TTN: variants seen among roughly 807,000 people sequenced by gnomAD.
TTN encodes the protein titin.
Under a neutral mutation model 3,223.0 loss-of-function variants are expected in TTN, and 1,525 were observed. That is an observed-to-expected ratio of 0.47 (90% CI 0.45 to 0.49). The LOEUF (loss-of-function observed/expected upper bound fraction) is 0.49, where lower values mean the gene tolerates loss of function less well. Ranked by LOEUF, TTN falls within the 20% of genes least tolerant of loss-of-function variation. The pLI, the probability that TTN is intolerant of heterozygous loss-of-function variation, is 0.00. For synonymous variants in TTN, 14,094 were observed against 15,161.0 expected (o/e 0.93, Z 5.17); for missense variants, 40,786 against 43,424.0 (o/e 0.94, Z 5.40).
rs1248080950 is a variant in TTN at position 178,526,839 on chromosome 2, T to A, written c.*173A>T. 1 of 589,556 alleles carries A rather than the reference T, an allele frequency of 1.7e-6. No homozygotes were observed. The highest frequency in any genetic ancestry group is 2.9e-6 in the Non-Finnish European group (1 of 349,366). 36.5% of individuals were successfully genotyped at this position (589,556 alleles called of 1,614,324 possible). A position where few individuals can be genotyped will look rare whatever the true frequency, so the allele number is the denominator to read the frequency against. On this transcript the variant is annotated 3_prime_UTR_variant, in exon 363 of 363. Coordinates refer to ENST00000589042, the MANE Select transcript of TTN (RefSeq NM_001267550.2). Reference sequence around the variant, plus strand: ...TGTCACTAGCAAATGTATTATATTCTTAGGTCAACAATTATGAAAAGATTG... The same window carrying A: ...TGTCACTAGCAAATGTATTATATTCATAGGTCAACAATTATGAAAAGATTG...
Position 178,671,119 on chromosome 2 carries a change from A to G in TTN, c.35279T>C (p.Val11760Ala), listed in dbSNP as rs748450390. The G allele has an allele frequency of 4.4e-6, 7 of 1,605,304 alleles. No individual in the cohort carries two copies. The East Asian group carries it at 1.4e-4, about 31-fold the overall frequency. The change falls in exon 156 of 363, where the codon GTT becomes GCT. Residue 11760 changes from valine to alanine, a missense_variant. Coordinates refer to ENST00000589042, the MANE Select transcript of TTN (RefSeq NM_001267550.2). ...AGCTGGTGGCTCTTTTCGAGGAACA[A>G]CTTTAGTGGGCGGTTTTTTTGGAGG... ...IIPPKKPPTK[V>A]VPRKEPPAKV... is the part of the protein sequence containing the mutation.
At position 178,559,898 on chromosome 2, in the gene TTN, G is replaced by C. The variant is rs377367951; in HGVS notation, c.86234C>G (p.Ala28745Gly). The C allele has an allele frequency of 4.2e-5, 67 of 1,613,256 alleles. No individual in the cohort carries two copies. Among genetic ancestry groups the C allele is most frequent in the Non-Finnish European group, 4.5e-5 (53 of 1,179,738 alleles). ...DPSDSSDPQI[A>G]KEREEEPLFD... ...TAAAGGTTCTTCTTCTCTTTCCTTT[G>C]CTATCTGAGGGTCAGAGCTATCACT... The change falls in exon 326 of 363, where the codon GCA becomes GGA. Residue 28745 changes from alanine (A) to glycine (G), a missense_variant. By Grantham distance (60) the Ala-to-Gly change is moderately conservative (BLOSUM62 0). Coordinates refer to ENST00000589042, the MANE Select transcript of TTN (RefSeq NM_001267550.2).
chr2:178,550,937 T>G lies in TTN; in HGVS notation c.91564+30A>C, dbSNP rs761165138. The G allele has an allele frequency of 1.9e-6, 3 of 1,601,960 alleles. No homozygotes were observed. The Admixed American group carries it at 5.1e-5, about 27-fold the overall frequency. On this transcript the variant is annotated intron_variant, in intron 336 of 362. Transcript: ENST00000589042. ...TTTTTAAAAATGTGAATGCTCTTAG[T>G]CTCATTGGAAATAAGTTGTAAATGC...
chr2:178,604,002 C>T lies in TTN; in HGVS notation c.54685G>A (p.Val18229Met), dbSNP rs116142642. 112 of 1,612,888 alleles carry T rather than the reference C, an allele frequency of 6.9e-5. 1 individual carries two copies. The highest frequency in any genetic ancestry group is 5.8e-4 in the East Asian group (26 of 44,794). Residue 18229 changes from valine (V) to methionine (M), a missense_variant, in exon 282 of 363, where the codon GTG becomes ATG. By Grantham distance (21) the Val-to-Met change is conservative. Transcript: ENST00000589042. ...APITKVGLKG[V>M]EFNVPRLLEG... is the part of the protein sequence containing the mutation. ...AGCAAACGAGGAACATTAAATTCCACGCCTTTCAATCCCACTTTGGTTATT... is the reference window on the plus strand; with the variant it reads ...AGCAAACGAGGAACATTAAATTCCATGCCTTTCAATCCCACTTTGGTTATT...
chr2:178,705,200 T>C lies in TTN; in HGVS notation c.29578A>G (p.Ser9860Gly). The C allele has an allele frequency of 3.1e-6, 5 of 1,613,518 alleles. No individual in the cohort carries two copies. Among genetic ancestry groups the C allele is most frequent in the South Asian group, 1.1e-5 (1 of 90,944 alleles). ...LLQAFELLKQ[S>G]QEEETHRLEI... ...AGTCTATGTGTCTCTTCTTCTTGGC[T>C]TTGCTTGAGCAGTTCAAATGCTTGA... The change falls in exon 103 of 363, where the codon AGC (serine) becomes GGC (glycine). Residue 9860 changes from serine (S) to glycine (G), a missense_variant. Coordinates refer to ENST00000589042, the MANE Select transcript of TTN (RefSeq NM_001267550.2).
chr2:178,528,972 G>T lies in TTN; in HGVS notation c.106779C>A (p.Ile35593=), dbSNP rs1687787053. ...SLEKSIVHEE[I]TKTSQASEEV... Reference sequence around the variant, plus strand: ...CTTCTGATGCCTGTGATGTTTTAGTGATTTCCTCATGGACAATGGATTTTT... The same window carrying T: ...CTTCTGATGCCTGTGATGTTTTAGTTATTTCCTCATGGACAATGGATTTTT... Residue 35593 remains isoleucine (I), a synonymous_variant, in exon 360 of 363, where the codon ATC becomes ATA. Transcript: ENST00000589042. The T allele has an allele frequency of 1.2e-6, 2 of 1,613,960 alleles. No homozygotes were observed. The highest frequency in any genetic ancestry group is 2.2e-5 in the East Asian group (1 of 44,880).
At position 178,635,271 on chromosome 2, in the gene TTN, T is replaced by C; in HGVS notation, c.41918A>G (p.Asp13973Gly). 6.2e-7 allele frequency: 1 copy of C among 1,613,356 alleles called. No individual in the cohort carries two copies. Among genetic ancestry groups the C allele is most frequent in the Non-Finnish European group, 8.5e-7 (1 of 1,179,540 alleles). ...ACTTTCTTTCTCATAAATGGTAACG[T>C]CCTCTATTGGTTTAAGCAGTTCAAC... is the stretch of plus-strand genomic sequence containing the variant. ...REVELLKPIE[D>G]VTIYEKESAS... The change falls in exon 228 of 363, where the codon GAC becomes GGC. Residue 13973 changes from aspartate to glycine, a missense_variant. Coordinates refer to ENST00000589042, the MANE Select transcript of TTN (RefSeq NM_001267550.2).
intron 106 of TTN, 128 bp downstream of exon 106, chr2:178,704,019 C>T (rs937897303): frequency 5.0e-6 from 6 of 1,192,308 alleles, no homozygotes; most frequent in South Asian, 1.7e-5. Flanking sequence ...ACTATGAGAA[C>T]GTGTGTTGGG....
Position 178,548,588 on chromosome 2 carries a change from A to G in TTN, c.93038T>C (p.Val31013Ala), listed in dbSNP as rs775726229. The G allele has an allele frequency of 6.2e-7, 1 of 1,613,682 alleles. No individual in the cohort carries two copies. Among genetic ancestry groups the G allele is most frequent in the Non-Finnish European group, 8.5e-7 (1 of 1,179,788 alleles). ...GCCAGGTGGGCCTGGAGTGTCTAGC[A>G]CTTTCACGGTGAATGTGATTGACTT... ...GSKSITFTVK[V>A]LDTPGPPGPI... is the part of the protein sequence containing the mutation. Residue 31013 changes from valine to alanine, a missense_variant, in exon 339 of 363, where the codon GTG (valine) becomes GCG (alanine). Transcript: ENST00000589042. The surrounding 1 kb of genome is among the most constrained non-coding windows in gnomAD (Gnocchi z 4.3).
rs1156788911 is a variant in TTN at position 178,560,457 on chromosome 2, T to C, written c.85675A>G (p.Ile28559Val). Residue 28559 changes from isoleucine to valine, a missense_variant, in exon 326 of 363, where the codon ATT (isoleucine) becomes GTT (valine). Transcript: ENST00000589042. ...TVPSPPTSLEITSVTKESMTL... is the reference protein window; with the variant it reads ...TVPSPPTSLEVTSVTKESMTL... ...ATAGATTCTTTGGTCACAGAAGTAA[T>C]TTCCAAAGACGTGGGTGGACTTGGA... The C allele has an allele frequency of 6.2e-7, 1 of 1,613,586 alleles. No homozygotes were observed. The highest frequency in any genetic ancestry group is 8.5e-7 in the Non-Finnish European group (1 of 1,179,750).
In TTN at chr2:178,564,808, A is replaced by G; in HGVS notation, c.81324T>C (p.His27108=). ...TACTGTTCTTTTCTTTCTGTTCAAG[A>G]TGGTAGCCAATAATTTTGGTGCCTC... ...NDGGTKIIGY[H]LEQKEKNSIL... is the part of the protein sequence containing the mutation. The change falls in exon 326 of 363, where the codon CAT becomes CAC. Residue 27108 remains histidine, a synonymous_variant. Transcript: ENST00000589042. 2 of 1,612,948 alleles carry G rather than the reference A, an allele frequency of 1.2e-6. No individual in the cohort carries two copies. The highest frequency in any genetic ancestry group is 1.7e-6 in the Non-Finnish European group (2 of 1,179,428).
intron 35 of TTN, 30 bp from the exon 36 acceptor site, chr2:178,770,350 T>C (rs752811941): frequency 1.2e-6 from 2 of 1,614,168 alleles, no homozygotes; most frequent in Non-Finnish European, 1.7e-6. Context: ...AATTCAGTGA[T>C]AGGGTTAACT....
In TTN at chr2:178,636,799, C is replaced by T. The variant is rs763459770; in HGVS notation, c.40928G>A (p.Gly13643Asp). The change falls in exon 225 of 363, where the codon GGT (glycine) becomes GAT (aspartate). Residue 13643 changes from glycine to aspartate, a missense_variant and splice_region_variant. Gly to Asp is a moderately conservative substitution (Grantham distance 94). Coordinates refer to ENST00000589042, the MANE Select transcript of TTN (RefSeq NM_001267550.2). This position sits in a 1 kb window ranked among gnomAD's most constrained non-coding sequence, Gnocchi z 4.3. ...TGGTGAAGGAGTCTTTTTGGGTACA[C>T]CTAATTCAAAGTAAAATAAAAAGTT... ...EAAKPKGPIK[G>D]VPKKTPSPIE... 1.9e-6 allele frequency: 3 copies of T among 1,562,476 alleles called. No individual in the cohort carries two copies. Among genetic ancestry groups the T allele is most frequent in the South Asian group, 2.4e-5 (2 of 82,024 alleles).
chr2:178,528,798 G>C lies in TTN; in HGVS notation c.106953C>G (p.Tyr35651Ter). The part of the protein sequence containing the change: ...NGVELTNSEE[Y>*]RYGVSGSDQT... ...GATCGCTGCCTGAGACACCATATCGGTACTCCTCAGAGTTGGTAAGCTCTA... is the reference window on the plus strand; with the variant it reads ...GATCGCTGCCTGAGACACCATATCGCTACTCCTCAGAGTTGGTAAGCTCTA... Residue 35651 changes from tyrosine (Y) to a stop codon, truncating the protein, a stop_gained, in exon 360 of 363, where the codon TAC (tyrosine) becomes TAG (stop). Transcript: ENST00000589042. LOFTEE classifies it high-confidence loss of function. 1 of 1,613,272 alleles carries C rather than the reference G, an allele frequency of 6.2e-7. No homozygotes were observed. Among genetic ancestry groups the C allele is most frequent in the Non-Finnish European group, 8.5e-7 (1 of 1,179,390 alleles).
chr2:178,685,197 G>T, intron 129 of TTN, 56 bp downstream of exon 129: 1 of 1,398,056 alleles, frequency 7.2e-7, no homozygotes, highest in Non-Finnish European at 9.7e-7. Flanking sequence ...AAATGTGAAG[G>T]TATTATTATA....
chr2:178,774,980 T>C lies in TTN; in HGVS notation c.6731A>G (p.Tyr2244Cys). ...LTIDTSDAEDYSCVLVEDENV... is the reference protein window; with the variant it reads ...LTIDTSDAEDCSCVLVEDENV... ...TTCATCTTCCACAAGTACACAGCTG[T>C]AATCTTCAGCATCAGACGTATCAAT... The change falls in exon 29 of 363, where the codon TAC (tyrosine) becomes TGC (cysteine). Residue 2244 changes from tyrosine (Y) to cysteine (C), a missense_variant. By Grantham distance (194) the Tyr-to-Cys change is radical. Transcript: ENST00000589042. 4.3e-6 allele frequency: 7 copies of C among 1,613,990 alleles called. No individual in the cohort carries two copies. The highest frequency in any genetic ancestry group is 5.9e-6 in the Non-Finnish European group (7 of 1,179,930).
At chr2:178,668,974 G>A (rs1014435622) in intron 159 of TTN, among the ~76,000 whole-genome samples, 2 of 150,824 alleles carry the variant, frequency 1.3e-5, no homozygotes, top group Admixed American at 1.3e-4. Flanking sequence ...TTCCAATTAT[G>A]GTTATCAAGA....
At chr2:178,582,912 T>G in intron 313 of TTN, 28 bp downstream of exon 313, 1 of 1,462,510 alleles carries the variant, frequency 6.8e-7, no homozygotes, top group Non-Finnish European at 9.1e-7. Flanking sequence ...AAGTAAAATA[T>G]GGGATTCCAA....
chr2:178,560,361 C>G lies in TTN; in HGVS notation c.85771G>C (p.Glu28591Gln), dbSNP rs556819067. 1 of 1,613,690 alleles carries G rather than the reference C, an allele frequency of 6.2e-7. No homozygotes were observed. The highest frequency in any genetic ancestry group is 8.5e-7 in the Non-Finnish European group (1 of 1,179,772). ...CGCACCCATCTTAGGCTATTTTTCTCTCGCCTTTCAATTATATATCCAGAT... is the reference window on the plus strand; with the variant it reads ...CGCACCCATCTTAGGCTATTTTTCTGTCGCCTTTCAATTATATATCCAGAT... ...EISGYIIERR[E>Q]KNSLRWVRVN... is the part of the protein sequence containing the mutation. Residue 28591 changes from glutamate to glutamine, a missense_variant, in exon 326 of 363, where the codon GAG becomes CAG. Transcript: ENST00000589042.
Sources: allele counts gnomAD v4.1 joint callset (sites outside exome capture counted in the v4.1 genomes callset), GRCh38; gene constraint gnomAD v4.1.1; non-coding constraint Gnocchi (gnomAD v3.1); transcripts MANE v1.5; gene names NCBI Gene and HGNC (gene_info 2026-07-23, HGNC 2026-07-21).